Variants in FAM171A1 observed in about 807,000 individuals in gnomAD.
The protein encoded by FAM171A1 is protein FAM171A1.
FAM171A1 carries 23 observed loss-of-function variants against 74.9 expected under a neutral mutation model. The observed-to-expected ratio is 0.31, with a 90% CI of 0.22 to 0.44. The LOEUF is 0.44. Ranked by LOEUF, FAM171A1 falls within the 20% of genes least tolerant of loss-of-function variation. The pLI is 1.00. For missense variants in FAM171A1, 1,162 were observed against 1,159.2 expected (o/e 1.00, Z -0.03); for synonymous variants, 527 against 505.7 (o/e 1.04, Z -0.57).
At chr10:15,318,264 A>C (rs936723842) in intron 1 of FAM171A1, among the ~76,000 whole-genome samples, 14 of 152,192 alleles carry the variant, frequency 9.2e-5, no homozygotes, top group Non-Finnish European at 1.5e-4. Context: ...ATTCTTCCTC[A>C]ATTCCCAGAG....
intron 5 of FAM171A1, among the ~76,000 whole-genome samples, chr10:15,248,138 T>C (rs1834458697): frequency 6.6e-6 from 1 of 152,220 alleles, no homozygotes. Flanking sequence ...TGATAACTAA[T>C]ACCTACGTGC....
intron 1 of FAM171A1, among the ~76,000 whole-genome samples, chr10:15,324,476 T>A (rs1236042761): frequency 6.6e-6 from 1 of 152,236 alleles, no homozygotes; most frequent in East Asian, 1.9e-4. Flanking sequence ...CAAATTTTTA[T>A]CATCTTCTCC....
chr10:15,352,251 C>A (rs1835888947), intron 1 of FAM171A1, among the ~76,000 whole-genome samples: 1 of 151,576 alleles, frequency 6.6e-6, no homozygotes, highest in African/African-American at 2.4e-5. Flanking sequence ...AATAAATATA[C>A]TAATTAAATT....
In FAM171A1 at chr10:15,274,500, C is replaced by A. The variant is rs545306820; in HGVS notation, c.418+1355G>T. Among the ~76,000 whole-genome samples, 493 of 152,200 alleles carry A rather than the reference C, an allele frequency of 3.2e-3. 16 individuals carry two copies. In the East Asian group the frequency reaches 0.083, roughly 26 times the overall value. ...GATTCAGTGCCATCCCCATCAAGCT[C>A]CCAATGACTTTCTTCACAGAATTGG... On this transcript the variant is annotated intron_variant, in intron 3 of 7. Transcript: ENST00000378116.
chr10:15,351,347 A>C (rs1175858854), intron 1 of FAM171A1, among the ~76,000 whole-genome samples: 1 of 152,106 alleles, frequency 6.6e-6, no homozygotes, highest in Non-Finnish European at 1.5e-5. Flanking sequence ...AGGAGAGAGG[A>C]AGAGGTCGCG....
intron 4 of FAM171A1, among the ~76,000 whole-genome samples, chr10:15,253,445 A>G (rs1236592604): frequency 1.3e-5 from 2 of 152,206 alleles, no homozygotes; most frequent in African/African-American, 4.8e-5. Context: ...AAGTACTGAC[A>G]TATTTACTGA....
intron 5 of FAM171A1, among the ~76,000 whole-genome samples, chr10:15,223,877 C>T (rs1253289930): frequency 2.0e-5 from 3 of 152,130 alleles, no homozygotes; most frequent in African/African-American, 4.8e-5. Flanking sequence ...CCAGCCTGGG[C>T]GACAGAGCAA....
chr10:15,248,767 T>C lies in FAM171A1; in HGVS notation c.626A>G (p.His209Arg), dbSNP rs753276242. 20 of 1,613,204 alleles carry C rather than the reference T, an allele frequency of 1.2e-5. No homozygotes were observed. Among genetic ancestry groups the C allele is most frequent in the Non-Finnish European group, 1.4e-5 (16 of 1,179,616 alleles). Residue 209 changes from histidine (H) to arginine (R), a missense_variant, in exon 5 of 8, where the codon CAC (histidine) becomes CGC (arginine). Transcript: ENST00000378116. ...DLTPVTAVSVHLLSSNGTPVL... is the reference protein window; with the variant it reads ...DLTPVTAVSVRLLSSNGTPVL... ...CGGCGTTCCATTACTGCTCAGCAAG[T>C]GGACGCTGACGGCTGTGACTGGGGT... is the stretch of plus-strand genomic sequence containing the variant.
rs550143624 is a variant in FAM171A1, at chr10:15,317,577, T to G, written c.98-33472A>C. On this transcript the variant is annotated intron_variant, in intron 1 of 7. Transcript: ENST00000378116. ...GCCTGGCTAATTTTTGTATGTTTAG[T>G]AGAGACGTGGTTTCACCATATTGGC... Among the ~76,000 whole-genome samples, 19 of 151,828 alleles carry G rather than the reference T, an allele frequency of 1.3e-4. 2 individuals carry two copies. In the South Asian group the frequency reaches 4.0e-3, roughly 32 times the overall value.
At chr10:15,254,955 C>T (rs1834560630) in intron 3 of FAM171A1, 76 bp from the exon 4 acceptor site, 2 of 1,453,686 alleles carry the variant, frequency 1.4e-6, no homozygotes, top group Non-Finnish European at 9.5e-7. Flanking sequence ...CAGGAAGTGC[C>T]TCTCTAAGGT....
At chr10:15,255,866 T>G (rs1000271945) in intron 3 of FAM171A1, among the ~76,000 whole-genome samples, 1 of 152,114 alleles carries the variant, frequency 6.6e-6, no homozygotes, top group Non-Finnish European at 1.5e-5. Context: ...CAGGCTGGTC[T>G]TGAACTCCTG....
At chr10:15,346,791 G>C (rs748723951) in intron 1 of FAM171A1, among the ~76,000 whole-genome samples, 8 of 152,214 alleles carry the variant, frequency 5.3e-5, no homozygotes, top group Non-Finnish European at 8.8e-5. Flanking sequence ...TGCTCACAAG[G>C]ATAGCCATTT....
intron 1 of FAM171A1, among the ~76,000 whole-genome samples, chr10:15,354,420 C>T (rs757380429): frequency 4.5e-4 from 68 of 152,002 alleles, no homozygotes; most frequent in Admixed American, 1.2e-3. Flanking sequence ...TGCTTGAACC[C>T]GGGAAGCAGA....
intron 5 of FAM171A1, among the ~76,000 whole-genome samples, chr10:15,232,801 C>A (rs543633984): frequency 2.0e-5 from 3 of 152,170 alleles, no homozygotes; most frequent in Non-Finnish European, 2.9e-5. Context: ...GAAGAAATCA[C>A]GTTTTGTGTC....
At chr10:15,259,676 G>T (rs183426341) in intron 3 of FAM171A1, among the ~76,000 whole-genome samples, 3 of 152,106 alleles carry the variant, frequency 2.0e-5, no homozygotes, top group East Asian at 3.9e-4. Flanking sequence ...CATTCTGCTT[G>T]TAAGAGGTAG....
At chr10:15,313,829 T>C (rs1194951990) in intron 1 of FAM171A1, among the ~76,000 whole-genome samples, 1 of 151,968 alleles carries the variant, frequency 6.6e-6, no homozygotes, top group East Asian at 1.9e-4. Context: ...TTTGCAAGAG[T>C]GTGTGATCAG....
rs900706934 is a variant in FAM171A1 at position 15,213,795 on chromosome 10, C to G, written c.1793G>C (p.Ser598Thr). Reference protein sequence around the residue: ...MKLPGDHSYVSQPLVVPADQQ... With the variant: ...MKLPGDHSYVTQPLVVPADQQ... Reference sequence around the variant, plus strand: ...ATCAGCCGGGACGACGAGGGGCTGGCTGACATAGGAGTGGTCCCCGGGGAG... The same window carrying G: ...ATCAGCCGGGACGACGAGGGGCTGGGTGACATAGGAGTGGTCCCCGGGGAG... Residue 598 changes from serine (S) to threonine (T), a missense_variant, in exon 8 of 8, where the codon AGC becomes ACC. Coordinates refer to ENST00000378116, the MANE Select transcript of FAM171A1 (RefSeq NM_001010924.2). This position sits in a 1 kb window ranked among gnomAD's most constrained non-coding sequence, Gnocchi z 6.8. 2 of 1,614,020 alleles carry G rather than the reference C, an allele frequency of 1.2e-6. No individual in the cohort carries two copies. Among genetic ancestry groups the G allele is most frequent in the Non-Finnish European group, 1.7e-6 (2 of 1,180,040 alleles).
Position 15,254,800 on chromosome 10 carries a change from G to A in FAM171A1, c.498C>T (p.Thr166=), listed in dbSNP as rs745714699. The change falls in exon 4 of 8, where the codon ACC becomes ACT. Residue 166 remains threonine (T), a synonymous_variant. Coordinates refer to ENST00000378116, the MANE Select transcript of FAM171A1 (RefSeq NM_001010924.2). ...GGGAGCTGGCGGCCGTGAGAAACGC[G>A]GTCAGGTCACTGTAGCTGGTGTTCT... ...LPENTSYSDL[T]AFLTAASSPS... 2.4e-5 allele frequency: 38 copies of A among 1,614,038 alleles called. No homozygotes were observed. Among genetic ancestry groups the A allele is most frequent in the Admixed American group, 1.0e-4 (6 of 60,004 alleles).
intron 3 of FAM171A1, among the ~76,000 whole-genome samples, chr10:15,267,461 G>A (rs376248535): frequency 1.3e-5 from 2 of 152,022 alleles, no homozygotes; most frequent in East Asian, 3.9e-4. Context: ...AAATTAGCTG[G>A]GTGCAGTGGC....
Sources: gnomAD v4.1 joint callset for allele counts (sites outside exome capture counted in the v4.1 genomes callset) on GRCh38, gnomAD v4.1.1 for gene constraint, Gnocchi (gnomAD v3.1) non-coding constraint, MANE v1.5 for transcripts, NCBI Gene and HGNC (gene_info 2026-07-23, HGNC 2026-07-21) for gene names.